The following STK32C variants were observed in gnomAD, a reference collection of about 807,000 sequenced individuals.
STK32C encodes serine/threonine-protein kinase 32C.
A neutral mutation model predicts 56.5 loss-of-function variants in STK32C; 31 were observed. The observed-to-expected ratio is 0.55, with a 90% CI of 0.41 to 0.74. The LOEUF is 0.74. Among genes scored for constraint, STK32C ranks in the 30% least tolerant of loss-of-function variants. STK32C has a pLI of 0.00. For synonymous variants in STK32C, 309 were observed against 289.4 expected (o/e 1.07, Z -0.69); for missense variants, 544 against 676.9 (o/e 0.80, Z 2.18).
intron 1 of STK32C, among the ~76,000 whole-genome samples, chr10:132,263,154 G>A (rs1410989716): frequency 6.6e-6 from 1 of 152,166 alleles, no homozygotes; most frequent in Non-Finnish European, 1.5e-5. Flanking sequence ...TGTTCATTGT[G>A]GTGCTAATCA....
At chr10:132,242,367 C>G (rs1383187135) in intron 2 of STK32C, among the ~76,000 whole-genome samples, 3 of 152,108 alleles carry the variant, frequency 2.0e-5, no homozygotes, top group East Asian at 1.9e-4. Flanking sequence ...CCGACGGCAC[C>G]AGTAAACTCT....
At chr10:132,208,679 C>T (rs1364518085) in intron 11 of STK32C, among the ~76,000 whole-genome samples, 1 of 152,186 alleles carries the variant, frequency 6.6e-6, no homozygotes, top group African/African-American at 2.4e-5. Context: ...CTTTCTGTCC[C>T]CTGGGGCCTG....
intron 1 of STK32C, among the ~76,000 whole-genome samples, chr10:132,278,795 C>T (rs1190539782): frequency 6.7e-6 from 1 of 149,842 alleles, no homozygotes; most frequent in Non-Finnish European, 1.5e-5. Flanking sequence ...ATACTACAAA[C>T]TGAGAAAAAG....
chr10:132,318,741 A>G (rs1466148608), intron 1 of STK32C, among the ~76,000 whole-genome samples: 1 of 152,194 alleles, frequency 6.6e-6, no homozygotes. Context: ...TGGGCAAATA[A>G]AATTTTTAAA....
chr10:132,246,651 T>C (rs2063706194), intron 1 of STK32C, among the ~76,000 whole-genome samples: 2 of 152,160 alleles, frequency 1.3e-5, no homozygotes, highest in Admixed American at 6.5e-5. Flanking sequence ...GCTCCCCTAA[T>C]TGTCACTCGT....
intron 1 of STK32C, among the ~76,000 whole-genome samples, chr10:132,300,383 C>T (rs1359616765): frequency 1.3e-5 from 2 of 152,142 alleles, no homozygotes; most frequent in Admixed American, 1.3e-4. Context: ...TGGGGGCTCC[C>T]TCCTCACAGG....
chr10:132,292,463 C>T (rs115862894), intron 1 of STK32C, among the ~76,000 whole-genome samples: 3,129 of 152,368 alleles, frequency 0.021, 92 homozygotes, highest in African/African-American at 0.07. Context: ...CTCATACACA[C>T]GTAAACAATT....
chr10:132,215,302 A>AT (rs1050249325), intron 10 of STK32C, among the ~76,000 whole-genome samples: 2 of 151,936 alleles, frequency 1.3e-5, no homozygotes, highest in Non-Finnish European at 2.9e-5. Flanking sequence ...TGCCTGCCTA[A>AT]TTTTTTTGTC....
At chr10:132,295,015 G>A (rs2065695329) in intron 1 of STK32C, among the ~76,000 whole-genome samples, 1 of 152,212 alleles carries the variant, frequency 6.6e-6, no homozygotes, top group South Asian at 2.1e-4. Flanking sequence ...GCCCCTCTCG[G>A]TGTGGACTGT....
At chr10:132,324,409 G>A (rs1260319240) in intron 1 of STK32C, 7 of 758,376 alleles carry the variant, frequency 9.2e-6, no homozygotes, top group South Asian at 5.6e-5. Flanking sequence ...TCACTTTGCA[G>A]TCTGAACTCT....
At position 132,214,012 on chromosome 10, in the gene STK32C, A is replaced by G. The variant is rs189080772; in HGVS notation, c.1252-4911T>C. On this transcript the variant is annotated intron_variant, in intron 10 of 11. Coordinates refer to ENST00000298630, the MANE Select transcript of STK32C (RefSeq NM_173575.4). ...AGTGAAAAAAATGAACAGAATATCC[A>G]AGAGCTGTGGGACAATTTCAAACGG... Among the ~76,000 whole-genome samples the G allele has an allele frequency of 3.3e-5, 5 of 152,286 alleles. No individual in the cohort carries two copies. In the East Asian group the frequency reaches 7.7e-4, roughly 23 times the overall value.
At chr10:132,286,112 C>T (rs970471263) in intron 1 of STK32C, among the ~76,000 whole-genome samples, 69 of 149,870 alleles carry the variant, frequency 4.6e-4, no homozygotes, top group Non-Finnish European at 8.7e-4. Context: ...GGTGACGGAG[C>T]GAGACTCTGT....
At chr10:132,222,355 C>T (rs1230487577) in intron 10 of STK32C, among the ~76,000 whole-genome samples, 4 of 152,202 alleles carry the variant, frequency 2.6e-5, no homozygotes, top group Admixed American at 6.5e-5. Context: ...CCCGCACACA[C>T]AACCAACACC....
intron 4 of STK32C, among the ~76,000 whole-genome samples, chr10:132,226,540 C>A (rs1162201867): frequency 6.6e-6 from 1 of 152,210 alleles, no homozygotes; most frequent in Non-Finnish European, 1.5e-5. Flanking sequence ...TCCACCAGGG[C>A]TAACAGCCCA....
rs1209534964 is a variant in STK32C, at chr10:132,208,099, T to C, written c.1372A>G (p.Arg458Gly). The C allele has an allele frequency of 6.1e-6, 8 of 1,311,176 alleles. No individual in the cohort carries two copies. The East Asian group carries it at 2.0e-4, about 32-fold the overall frequency. 81.2% of individuals were successfully genotyped at this position (1,311,176 alleles called of 1,614,324 possible). ...PREPLPAPES[R>G]DAAEPVEDEA... ...TCCTCCACAGGCTCCGCAGCATCCC[T>C]GGACTCAGGGGCGGGGAGAGGCTCC... is the stretch of plus-strand genomic sequence containing the variant. The change falls in exon 12 of 12, where the codon AGG becomes GGG. Residue 458 changes from arginine to glycine, a missense_variant. Arg to Gly is a moderately radical substitution (Grantham distance 125). This residue lies in a region of STK32C where 277 missense variants were observed against 309.3 expected (regional missense o/e 0.90). Transcript: ENST00000298630.
chr10:132,276,034 C>T (rs2064987671), intron 1 of STK32C, among the ~76,000 whole-genome samples: 1 of 152,154 alleles, frequency 6.6e-6, no homozygotes, highest in Non-Finnish European at 1.5e-5. Context: ...GCCGCCACAC[C>T]ACCAGGCTGC....
At chr10:132,224,595 G>GGCGATGGCACCTGTGTC in intron 7 of STK32C, 72 bp from the exon 8 acceptor site, 1 of 1,176,616 alleles carries the variant, frequency 8.5e-7, no homozygotes, top group Non-Finnish European at 1.2e-6. Flanking sequence ...CCAGACACAG[G>GGCGATGGCACCTGTGTC]TGCCATCGCC....
intron 1 of STK32C, among the ~76,000 whole-genome samples, chr10:132,301,102 C>G (rs966646373): frequency 2.0e-5 from 3 of 149,722 alleles, no homozygotes; most frequent in African/African-American, 7.4e-5. Context: ...TCCACTAACA[C>G]GAGGTCCGAT....
At chr10:132,290,303 AT>A (rs1397002139) in intron 1 of STK32C, among the ~76,000 whole-genome samples, 1 of 152,198 alleles carries the variant, frequency 6.6e-6, no homozygotes, top group Non-Finnish European at 1.5e-5. Context: ...ACATTGACTC[AT>A]TCACTTTCTC....
Sources: gnomAD v4.1 joint callset for allele counts (sites outside exome capture counted in the v4.1 genomes callset) on GRCh38, gnomAD v4.1.1 for gene constraint, gnomAD v4.1.1 regional missense constraint, MANE v1.5 for transcripts, NCBI Gene and HGNC (gene_info 2026-07-23, HGNC 2026-07-21) for gene names.